Variants in CDH11 observed in about 807,000 individuals in gnomAD.
The protein encoded by CDH11 is cadherin 11.
In CDH11, 11 loss-of-function variants were observed where a neutral mutation model predicts 67.8. That is an observed-to-expected ratio of 0.16 (90% CI 0.10 to 0.27). CDH11 has a LOEUF of 0.27. Ranked by LOEUF, CDH11 falls within the 10% of genes least tolerant of loss-of-function variation. The pLI, the probability that CDH11 is intolerant of heterozygous loss-of-function variation, is 1.00. For synonymous variants in CDH11, 419 were observed against 400.0 expected (o/e 1.05, Z -0.57); for missense variants, 847 against 1,031.2 (o/e 0.82, Z 2.45).
chr16:65,096,403 C>CGGGG (rs199984245), intron 1 of CDH11, among the ~76,000 whole-genome samples: 73 of 133,956 alleles, frequency 5.4e-4, no homozygotes, highest in South Asian at 2.1e-3. Context: ...ATAAATCTTT[C>CGGGG]GGGGTGTGTG....
intron 1 of CDH11, chr16:65,119,114 C>T (rs575291299): frequency 1.3e-5 from 2 of 152,284 alleles, no homozygotes; most frequent in East Asian, 3.9e-4. Flanking sequence ...TGGCGTTTCC[C>T]ATATGAGGGT....
Position 64,962,608 on chromosome 16 carries a change from T to A in CDH11, c.1642+8971A>T, listed in dbSNP as rs1470089491. 2.0e-5 allele frequency among the ~76,000 whole-genome samples: 3 copies of A among 152,132 alleles called. No homozygotes were observed. In the East Asian group the frequency reaches 5.8e-4, roughly 29 times the overall value. ...CACATGCACATACACACTTGTGTGA[T>A]TTTTACCTCCAGGAACTCTACCTGG... On this transcript the variant is annotated intron_variant, in intron 11 of 12. Transcript: ENST00000268603.
rs1160112832 is a variant in CDH11 at position 64,945,652 on chromosome 16, A to C, written c.*1951T>G. ...ATGTGTAATCCTTCACTGAGATGAA[A>C]GATTCTAAAGTGACATTGTCCACAA... On this transcript the variant is annotated 3_prime_UTR_variant, in exon 13 of 13. Transcript: ENST00000268603. 1 of 1,036,260 alleles carries C rather than the reference A, an allele frequency of 9.7e-7. No individual in the cohort carries two copies. Among genetic ancestry groups the C allele is most frequent in the Non-Finnish European group, 1.2e-6 (1 of 860,454 alleles). The allele number at this position is 1,036,260 out of a possible 1,614,324, so 64.2% of individuals were successfully genotyped here.
chr16:65,050,705 A>T (rs2142708285), intron 2 of CDH11, among the ~76,000 whole-genome samples: 1 of 152,176 alleles, frequency 6.6e-6, no homozygotes, highest in East Asian at 1.9e-4. Flanking sequence ...TAAAGGTTTC[A>T]TGCCACCAGC....
intron 11 of CDH11, among the ~76,000 whole-genome samples, chr16:64,955,121 C>G (rs2142382334): frequency 6.6e-6 from 1 of 152,106 alleles, no homozygotes; most frequent in East Asian, 1.9e-4. Context: ...TGGTGGGTGC[C>G]TGTAATCCCA....
At chr16:64,983,321 T>C (rs1250023880) in intron 7 of CDH11, 11 of 152,132 alleles carry the variant, frequency 7.2e-5, no homozygotes, top group Non-Finnish European at 1.3e-4. Context: ...GGAGTTACAG[T>C]GAATCAGTCA....
intron 11 of CDH11, among the ~76,000 whole-genome samples, chr16:64,967,749 T>A (rs1356931169): frequency 6.6e-6 from 1 of 152,188 alleles, no homozygotes; most frequent in Non-Finnish European, 1.5e-5. Flanking sequence ...CAGTGACTAT[T>A]TCTGGGTAGC....
intron 1 of CDH11, among the ~76,000 whole-genome samples, chr16:65,065,138 C>T (rs1448672253): frequency 6.6e-6 from 1 of 152,134 alleles, no homozygotes; most frequent in Non-Finnish European, 1.5e-5. Flanking sequence ...AGACAAATGC[C>T]AGTTCCGACA....
chr16:65,108,338 G>A (rs2075100647), intron 1 of CDH11, among the ~76,000 whole-genome samples: 1 of 152,140 alleles, frequency 6.6e-6, no homozygotes, highest in Admixed American at 6.5e-5. Context: ...TAAAACACAA[G>A]AATCACCAAT....
chr16:64,995,229 GA>G (rs59374488), intron 4 of CDH11, among the ~76,000 whole-genome samples: 74 of 150,272 alleles, frequency 4.9e-4, no homozygotes, highest in African/African-American at 1.6e-3. Flanking sequence ...CACAGAATTA[GA>G]AAAAAAAACT....
rs150317138 is a variant in CDH11 at position 65,087,196 on chromosome 16, C to G, written c.-297-33268G>C. Among the ~76,000 whole-genome samples, 691 of 152,292 alleles carry G rather than the reference C, an allele frequency of 4.5e-3. 3 individuals are homozygous for G. Among genetic ancestry groups the G allele is most frequent in the African/African-American group, 0.016 (652 of 41,564 alleles). ...TTGCTTCCTCCAACAATGACAGCAG[C>G]AGAGCCTGAGCAATTTCAACATCTT... On this transcript the variant is annotated intron_variant, in intron 1 of 12. Transcript: ENST00000268603.
intron 1 of CDH11, among the ~76,000 whole-genome samples, chr16:65,056,948 G>T (rs1376042027): frequency 6.6e-6 from 1 of 152,090 alleles, no homozygotes; most frequent in Non-Finnish European, 1.5e-5. Flanking sequence ...AAAAATAGAT[G>T]GTGAATTGTC....
At chr16:65,035,431 G>A (rs2073734408) in intron 2 of CDH11, among the ~76,000 whole-genome samples, 1 of 152,218 alleles carries the variant, frequency 6.6e-6, no homozygotes, top group African/African-American at 2.4e-5. Context: ...GCCAACCATT[G>A]TGACTGGCTG....
At chr16:65,025,331 GT>G (rs2073510834) in intron 2 of CDH11, among the ~76,000 whole-genome samples, 1 of 152,124 alleles carries the variant, frequency 6.6e-6, no homozygotes, top group African/African-American at 2.4e-5. Context: ...ATTTATTTGG[GT>G]AGGTTTTTTT....
intron 1 of CDH11, among the ~76,000 whole-genome samples, chr16:65,095,636 C>A (rs1743781356): frequency 6.6e-6 from 1 of 152,182 alleles, no homozygotes; most frequent in African/African-American, 2.4e-5. Context: ...AGAACTGAGA[C>A]TTCCCTGATG....
At chr16:64,990,332 T>A (rs2072597707) in intron 6 of CDH11, among the ~76,000 whole-genome samples, 1 of 151,952 alleles carries the variant, frequency 6.6e-6, no homozygotes. Flanking sequence ...GGCAAAAGAG[T>A]CTTGTGTAGA....
At chr16:64,975,497 A>G (rs1165812262) in intron 8 of CDH11, among the ~76,000 whole-genome samples, 17 of 152,234 alleles carry the variant, frequency 1.1e-4, no homozygotes, top group Non-Finnish European at 1.5e-5. Flanking sequence ...CAGGGGTAAC[A>G]GAGGAAATGG....
intron 1 of CDH11, among the ~76,000 whole-genome samples, chr16:65,105,310 T>G (rs1328923198): frequency 6.6e-6 from 1 of 152,208 alleles, no homozygotes; most frequent in Non-Finnish European, 1.5e-5. Flanking sequence ...AGAGGGAGAC[T>G]GGGAAATATT....
intron 1 of CDH11, among the ~76,000 whole-genome samples, chr16:65,115,437 C>T (rs1255850615): frequency 4.6e-5 from 7 of 152,110 alleles, no homozygotes; most frequent in Admixed American, 4.6e-4. Context: ...GAACTGCTAC[C>T]TGTTCTCATT....
Sources: allele counts gnomAD v4.1 joint callset (sites outside exome capture counted in the v4.1 genomes callset), GRCh38; gene constraint gnomAD v4.1.1; transcripts MANE v1.5; gene names NCBI Gene and HGNC (gene_info 2026-07-23, HGNC 2026-07-21).